Variants in USP42 observed in about 807,000 individuals in gnomAD.
The protein encoded by USP42 is ubiquitin specific peptidase 42.
In USP42, 23 loss-of-function variants were observed where a neutral mutation model predicts 113.0. The ratio of observed to expected loss-of-function variants is 0.20; its 90% CI spans 0.15 to 0.29. The LOEUF is 0.29. Among genes scored for constraint, USP42 ranks in the 10% least tolerant of loss-of-function variants. The pLI is 1.00. For missense variants in USP42, 2,174 were observed against 1,779.8 expected, an observed-to-expected ratio of 1.22 and a Z score of -3.99; for synonymous variants, 933 against 699.0, an observed-to-expected ratio of 1.33 and a Z score of -5.28.
At chr7:6,140,851 A>C (rs938966204) in intron 6 of USP42, 63 bp from the exon 7 acceptor site, 1 of 883,862 alleles carries the variant, frequency 1.1e-6, no homozygotes, top group East Asian at 2.6e-5. Flanking sequence ...TTGTCATTTC[A>C]GTAGTTGATG....
the USP42 span, among the ~76,000 whole-genome samples, chr7:6,094,424 G>A: frequency 2.0e-5 from 3 of 150,914 alleles, 1 homozygote; most frequent in African/African-American, 7.4e-5. Flanking sequence ...TCCTTCCTCG[G>A]CCTCCTAAAG....
chr7:6,114,656 GTATA>G (rs71008362), intron 2 of USP42, among the ~76,000 whole-genome samples: 775 of 60,380 alleles, frequency 0.013, 25 homozygotes, highest in Middle Eastern at 0.029. Flanking sequence ...ATGTGTGTGT[GTATA>G]TATATATATA....
chr7:6,144,255 C>G (rs1178967843), intron 9 of USP42, 59 bp downstream of exon 9: 1 of 1,160,590 alleles, frequency 8.6e-7, no homozygotes, highest in East Asian at 2.7e-5. Flanking sequence ...CTTAACGTGT[C>G]TGTAGCTATT....
At chr7:6,149,101 A>G (rs1781885024) in intron 12 of USP42, among the ~76,000 whole-genome samples, 2 of 152,032 alleles carry the variant, frequency 1.3e-5, no homozygotes, top group African/African-American at 4.8e-5. Context: ...GCGTGAGGAG[A>G]ATGTGGAGAC....
At chr7:6,108,083 C>G (rs1469791380) in intron 1 of USP42, among the ~76,000 whole-genome samples, 1 of 152,088 alleles carries the variant, frequency 6.6e-6, no homozygotes, top group Non-Finnish European at 1.5e-5. Flanking sequence ...ACCCTGGAGG[C>G]TGAGGCAAGA....
chr7:6,130,103 G>A (rs929346001), intron 3 of USP42, among the ~76,000 whole-genome samples: 14 of 151,950 alleles, frequency 9.2e-5, no homozygotes, highest in South Asian at 2.1e-4. Flanking sequence ...CTCTTGCGTC[G>A]ACCTCCGAAA....
the USP42 span, among the ~76,000 whole-genome samples, chr7:6,099,918 A>C: frequency 6.7e-6 from 1 of 150,146 alleles, no homozygotes. Context: ...AGCCAAGATC[A>C]CACCACTGCA....
chr7:6,102,754 A>G (rs1031715323), upstream of USP42, among the ~76,000 whole-genome samples: 4 of 150,808 alleles, frequency 2.7e-5, no homozygotes, highest in Non-Finnish European at 5.9e-5. Context: ...GAAACACATA[A>G]AAGAGGAAAG....
At position 6,159,069 on chromosome 7, in the gene USP42, C is replaced by T. The variant is rs1241868906; in HGVS notation, c.3944-381C>T. On this transcript the variant is annotated intron_variant, in intron 16 of 17. Transcript: ENST00000306177. The surrounding 1 kb of genome is among the most constrained non-coding windows in gnomAD (Gnocchi z 4.1). ...TCCTTCTGAGAAGGCCGCTGCCCGG[C>T]CCCGCCTCACCCAGCGTCCTGTGGT... Among the ~76,000 whole-genome samples the T allele has an allele frequency of 6.6e-6, 1 of 152,168 alleles. No homozygotes were observed. Among genetic ancestry groups the T allele is most frequent in the East Asian group, 1.9e-4 (1 of 5,198 alleles).
intron 2 of USP42, 130 bp from the exon 3 acceptor site, chr7:6,115,193 C>T (rs1779850809): frequency 1.2e-6 from 1 of 836,656 alleles, no homozygotes; most frequent in Admixed American, 2.4e-5. Flanking sequence ...CCCTCTTCCC[C>T]CTGTATTTCA....
rs776124363 is a variant in USP42 at position 6,111,171 on chromosome 7, C to T, written c.38C>T (p.Pro13Leu). The T allele has an allele frequency of 3.1e-6, 5 of 1,613,232 alleles. No individual in the cohort carries two copies. In the East Asian group the frequency reaches 8.9e-5, roughly 29 times the overall value. ...IVDKASESSDPSAYQNQPGSS... is the reference protein window; with the variant it reads ...IVDKASESSDLSAYQNQPGSS... ...GACAAAGCTTCTGAATCTTCAGACCCATCAGCCTATCAGAATCAGCCTGGC... is the reference window on the plus strand; with the variant it reads ...GACAAAGCTTCTGAATCTTCAGACCTATCAGCCTATCAGAATCAGCCTGGC... Residue 13 changes from proline (P) to leucine (L), a missense_variant, in exon 2 of 18, where the codon CCA becomes CTA. Physicochemically the swap from Pro to Leu is moderately conservative, Grantham distance 98 (BLOSUM62 -3). Coordinates refer to ENST00000306177, the MANE Select transcript of USP42 (RefSeq NM_032172.3).
intron 3 of USP42, among the ~76,000 whole-genome samples, chr7:6,125,860 T>TA (rs1554339384): frequency 6.6e-6 from 1 of 152,170 alleles, no homozygotes; most frequent in Admixed American, 6.5e-5. Flanking sequence ...TTGCTTTTTT[T>TA]AAAAAACTCA....
the USP42 span, among the ~76,000 whole-genome samples, chr7:6,091,897 T>C: frequency 2.0e-5 from 3 of 150,924 alleles, no homozygotes; most frequent in East Asian, 5.8e-4. Flanking sequence ...TCGGCATTTC[T>C]TCCTGAAATG....
the USP42 span, among the ~76,000 whole-genome samples, chr7:6,085,603 A>AAT: frequency 1.5e-3 from 218 of 143,314 alleles, 12 homozygotes; most frequent in South Asian, 1.5e-3. Flanking sequence ...AATATATACA[A>AAT]ATATATATAT....
chr7:6,139,653 A>C lies in USP42; in HGVS notation c.656+459A>C. ...AAGAGGAAGAACGAGGGGACAGATA[A>C]TGCATCCCAAGCCGCTTGGTGCTGT... On this transcript the variant is annotated intron_variant, in intron 5 of 17. Coordinates refer to ENST00000306177, the MANE Select transcript of USP42 (RefSeq NM_032172.3). This position sits in a 1 kb window ranked among gnomAD's most constrained non-coding sequence, Gnocchi z 4.5. 5.0e-6 allele frequency: 1 copy of C among 201,982 alleles called. No homozygotes were observed. Among genetic ancestry groups the C allele is most frequent in the Non-Finnish European group, 9.8e-6 (1 of 102,490 alleles). The allele number at this position is 201,982 out of a possible 1,614,324, so 12.5% of individuals were successfully genotyped here.
In USP42 at chr7:6,132,283, G is replaced by A. The variant is rs1022459137; in HGVS notation, c.443-3558G>A. ...TCCACTGTCTTCTGGCCTGTGCTGT[G>A]CCTGATAAGAAGTCTGTTGTCGTTT... On this transcript the variant is annotated intron_variant, in intron 3 of 17. Transcript: ENST00000306177. 2.0e-5 allele frequency among the ~76,000 whole-genome samples: 3 copies of A among 152,124 alleles called. No homozygotes were observed. In the South Asian group the frequency reaches 6.2e-4, roughly 32 times the overall value.
In USP42 at chr7:6,139,732, G is replaced by T. The variant is rs950391470; in HGVS notation, c.657-396G>T. ...ATTCTCCCTGCCCTGGCACCGCCCT[G>T]TCTAGGACTTCATTGTCCGGGTGAT... On this transcript the variant is annotated intron_variant, in intron 5 of 17. Transcript: ENST00000306177. The surrounding 1 kb of genome is among the most constrained non-coding windows in gnomAD (Gnocchi z 4.5). 1 of 311,692 alleles carries T rather than the reference G, an allele frequency of 3.2e-6. No individual in the cohort carries two copies. Among genetic ancestry groups the T allele is most frequent in the Non-Finnish European group, 6.1e-6 (1 of 163,656 alleles). 19.3% of individuals were successfully genotyped at this position (311,692 alleles called of 1,614,324 possible). A position where few individuals can be genotyped will look rare whatever the true frequency, so the allele number is the denominator to read the frequency against.
intron 2 of USP42, 133 bp from the exon 3 acceptor site, chr7:6,115,189 TC>T (rs1168010675): frequency 4.9e-6 from 4 of 810,416 alleles, no homozygotes; most frequent in Non-Finnish European, 7.8e-6. Flanking sequence ...ATGTCCCTCT[TC>T]CCCCTGTATT....
chr7:6,144,597 T>A (rs1781601864), intron 9 of USP42, among the ~76,000 whole-genome samples: 1 of 152,186 alleles, frequency 6.6e-6, no homozygotes, highest in South Asian at 2.1e-4. Flanking sequence ...CGGCCGAGTG[T>A]GGTGGCTCAC....
Sources: gnomAD v4.1 joint callset for allele counts (sites outside exome capture counted in the v4.1 genomes callset) on GRCh38, gnomAD v4.1.1 for gene constraint, Gnocchi (gnomAD v3.1) non-coding constraint, MANE v1.5 for transcripts, NCBI Gene and HGNC (gene_info 2026-07-23, HGNC 2026-07-21) for gene names.